The following GLYATL2 variants were observed in gnomAD, a reference collection of about 807,000 sequenced individuals.
GLYATL2 encodes glycine N-acyltransferase-like protein 2.
A neutral mutation model predicts 21.4 loss-of-function variants in GLYATL2; 25 were observed. The ratio of observed to expected loss-of-function variants is 1.17; its 90% CI spans 0.85 to 1.63. The LOEUF is 1.63. Among genes scored for constraint, GLYATL2 ranks in the 40% most tolerant of loss-of-function variants. The pLI is 0.00. For missense variants in GLYATL2, 361 were observed against 343.3 expected (o/e 1.05, Z -0.41); for synonymous variants, 114 against 118.2 (o/e 0.96, Z 0.23).
At chr11:58,899,840 C>CAT (rs1854704903) in intron 1 of GLYATL2, among the ~76,000 whole-genome samples, 2 of 151,954 alleles carry the variant, frequency 1.3e-5, no homozygotes, top group Non-Finnish European at 2.9e-5. Context: ...CACACACATA[C>CAT]ATATATAGTT....
intron 1 of GLYATL2, among the ~76,000 whole-genome samples, chr11:58,842,521 C>T (rs554944519): frequency 3.3e-4 from 47 of 141,900 alleles, no homozygotes; most frequent in African/African-American, 8.5e-4. Flanking sequence ...TGTGTGTGTG[C>T]GCCCTGTGAT....
chr11:58,884,595 G>T lies in GLYATL2; in HGVS notation n.60+19561C>A, dbSNP rs116053495. ...AATACAGGGAAAAAGTTATGATGAT[G>T]GTGGTGGAGTGTTCTGCTACAGGCA... On this transcript the variant is annotated intron_variant and non_coding_transcript_variant, in intron 1 of 4. Transcript: ENST00000533636. 5.3e-3 allele frequency among the ~76,000 whole-genome samples: 813 copies of T among 152,288 alleles called. 9 individuals carry two copies. Among genetic ancestry groups the T allele is most frequent in the African/African-American group, 0.019 (783 of 41,546 alleles).
intron 1 of GLYATL2, chr11:58,840,840 AAAAATAAAATAAAATAAAATAAAAT>A (rs71064493): frequency 1.5e-5 from 2 of 134,914 alleles, no homozygotes; most frequent in African/African-American, 5.6e-5. Context: ...CTCTATCTCA[AAAAATAAAATAAAATAAAATAAAAT>A]AAAATAAAAT....
At chr11:58,909,708 G>T in the GLYATL2 span, among the ~76,000 whole-genome samples, 3 of 152,188 alleles carry the variant, frequency 2.0e-5, no homozygotes, top group Non-Finnish European at 4.4e-5. Context: ...GGCAAATAAT[G>T]CTTTCTAGAC....
At chr11:58,907,093 AG>A, upstream of GLYATL2, 1 of 307,444 alleles carries the variant, frequency 3.3e-6, no homozygotes, top group Non-Finnish European at 6.6e-6. Flanking sequence ...GTTGGAGGAA[AG>A]TTACACCATA....
At chr11:58,858,060 T>C (rs1351822638) in intron 1 of GLYATL2, among the ~76,000 whole-genome samples, 1 of 152,152 alleles carries the variant, frequency 6.6e-6, no homozygotes, top group Non-Finnish European at 1.5e-5. Flanking sequence ...GATAAGAATA[T>C]TGCTGTACAG....
At chr11:58,885,418 T>C in intron 1 of GLYATL2, 1 of 449,862 alleles carries the variant, frequency 2.2e-6, no homozygotes, top group South Asian at 1.7e-5. Flanking sequence ...CCTAGTCCTT[T>C]CCATCTCTCC....
chr11:58,896,182 T>C (rs1854631944), intron 1 of GLYATL2, among the ~76,000 whole-genome samples: 1 of 152,144 alleles, frequency 6.6e-6, no homozygotes, highest in African/African-American at 2.4e-5. Flanking sequence ...TCTTCACCTG[T>C]GCAGGCGACA....
At position 58,901,855 on chromosome 11, in the gene GLYATL2, C is replaced by T. The variant is rs553818323; in HGVS notation, n.60+2301G>A. 5.3e-5 allele frequency among the ~76,000 whole-genome samples: 8 copies of T among 152,286 alleles called. No homozygotes were observed. In the South Asian group the frequency reaches 1.5e-3, roughly 28 times the overall value. Reference sequence around the variant, plus strand: ...GACATTGAACTAAATCTTGATCACTCTACCCCCCATTCATCTCCGAGTACC... The same window carrying T: ...GACATTGAACTAAATCTTGATCACTTTACCCCCCATTCATCTCCGAGTACC... On this transcript the variant is annotated intron_variant and non_coding_transcript_variant, in intron 1 of 4. Coordinates refer to the GLYATL2 transcript ENST00000533636.
Position 58,864,135 on chromosome 11 carries a change from G to A in GLYATL2, n.61-25767C>T, listed in dbSNP as rs183947636. Among the ~76,000 whole-genome samples the A allele has an allele frequency of 4.7e-3, 715 of 152,222 alleles. 6 individuals carry two copies. The highest frequency in any genetic ancestry group is 0.016 in the African/African-American group (679 of 41,530). On this transcript the variant is annotated intron_variant and non_coding_transcript_variant, in intron 1 of 4. Transcript: ENST00000533636. Reference sequence around the variant, plus strand: ...CTGTGACCACGGGGGCTAGCCTGGCGCTAGGCAGTCCTAGAATCTGTATCC... The same window carrying A: ...CTGTGACCACGGGGGCTAGCCTGGCACTAGGCAGTCCTAGAATCTGTATCC...
At chr11:58,865,424 T>C (rs1412275270) in intron 1 of GLYATL2, among the ~76,000 whole-genome samples, 3 of 149,182 alleles carry the variant, frequency 2.0e-5, no homozygotes, top group Non-Finnish European at 4.5e-5. Flanking sequence ...CCAGATCAAA[T>C]ATTTGTGTAA....
At chr11:58,900,012 G>A (rs2134629295) in intron 1 of GLYATL2, among the ~76,000 whole-genome samples, 1 of 152,088 alleles carries the variant, frequency 6.6e-6, no homozygotes, top group East Asian at 1.9e-4. Context: ...GTAGTATTTT[G>A]GGGGGTGGGG....
intron 1 of GLYATL2, among the ~76,000 whole-genome samples, chr11:58,857,175 C>T (rs1309231615): frequency 1.3e-5 from 2 of 152,192 alleles, no homozygotes; most frequent in Admixed American, 1.3e-4. Flanking sequence ...CACATCCTCT[C>T]CAACAGTTAT....
chr11:58,834,570 A>G lies in GLYATL2; in HGVS notation c.744T>C (p.Tyr248=). ...MLQIGYHLEK[Y]LSQKEIPFYF... is the part of the protein sequence containing the mutation. ...AAAATGGGATTTCTTTCTGAGAAAG[A>G]TACTTTTCAAGATGATAACCAATTT... The change falls in exon 6 of 6, where the codon TAT becomes TAC. Residue 248 remains tyrosine, a synonymous_variant. Transcript: ENST00000287275. 6.2e-7 allele frequency: 1 copy of G among 1,614,024 alleles called. No individual in the cohort carries two copies.
chr11:58,856,907 TA>T (rs1853838255), intron 1 of GLYATL2, among the ~76,000 whole-genome samples: 3 of 152,242 alleles, frequency 2.0e-5, no homozygotes, highest in Non-Finnish European at 2.9e-5. Flanking sequence ...ATGGTGCCAG[TA>T]GACTTGCTTG....
chr11:58,848,344 A>T (rs1418721914), upstream of GLYATL2, among the ~76,000 whole-genome samples: 1 of 152,124 alleles, frequency 6.6e-6, no homozygotes, highest in Non-Finnish European at 1.5e-5. Context: ...GACCTCACCA[A>T]ATCAACTTAA....
chr11:58,875,235 CTT>C (rs1178127325), intron 1 of GLYATL2, among the ~76,000 whole-genome samples: 6 of 152,276 alleles, frequency 3.9e-5, no homozygotes, highest in Non-Finnish European at 7.3e-5. Context: ...GGTCTTGACT[CTT>C]TATCCAATTT....
intron 1 of GLYATL2, among the ~76,000 whole-genome samples, chr11:58,871,372 G>A (rs906907151): frequency 1.3e-5 from 2 of 151,842 alleles, no homozygotes; most frequent in African/African-American, 4.8e-5. Context: ...CCATGTTGGT[G>A]TGCTGCACCC....
At chr11:58,893,058 T>A in intron 1 of GLYATL2, 1 of 383,884 alleles carries the variant, frequency 2.6e-6, no homozygotes, top group South Asian at 7.9e-5. Flanking sequence ...CTCCCAATTT[T>A]AAATATGCCA....
Sources: allele counts gnomAD v4.1 joint callset (sites outside exome capture counted in the v4.1 genomes callset), GRCh38; gene constraint gnomAD v4.1.1; transcripts MANE v1.5; gene names NCBI Gene and HGNC (gene_info 2026-07-23, HGNC 2026-07-21).